The following NLN variants were observed in gnomAD, a reference collection of about 807,000 sequenced individuals.
The protein encoded by NLN is neurolysin, also known as neurolysin, mitochondrial.
Under a neutral mutation model 79.9 loss-of-function variants are expected in NLN, and 64 were observed. The ratio of observed to expected loss-of-function variants is 0.80; its 90% CI spans 0.65 to 0.99. The LOEUF is 0.99. NLN is among the 50% of genes least tolerant of loss of function. The pLI, the probability that NLN is intolerant of heterozygous loss-of-function variation, is 0.00. For missense variants in NLN, 835 were observed against 858.7 expected (o/e 0.97, Z 0.34); for synonymous variants, 267 against 296.6 (o/e 0.90, Z 1.02).
At chr5:65,813,633 T>G (rs531134025) in intron 12 of NLN, among the ~76,000 whole-genome samples, 2 of 152,214 alleles carry the variant, frequency 1.3e-5, no homozygotes, top group Admixed American at 6.5e-5. Context: ...TTAAGAAAAT[T>G]AAGATCATTG....
intron 1 of NLN, among the ~76,000 whole-genome samples, chr5:65,748,020 G>T (rs1011579385): frequency 3.9e-5 from 6 of 152,166 alleles, no homozygotes; most frequent in African/African-American, 1.4e-4. Context: ...GGTCAACATG[G>T]TGAAACCCCG....
At chr5:65,801,269 C>T (rs1433505824) in intron 9 of NLN, among the ~76,000 whole-genome samples, 1 of 152,100 alleles carries the variant, frequency 6.6e-6, no homozygotes, top group South Asian at 2.1e-4. Flanking sequence ...GCATTGATAA[C>T]TATATGAAGT....
In NLN at chr5:65,812,245, T is replaced by A; in HGVS notation, c.1844-10T>A. ...CTATCACATTGATTGAAATGTATCT[T>A]TTTTTAAAGGCACAAATATGCCAGC... On this transcript the variant is annotated splice_polypyrimidine_tract_variant and intron_variant, in intron 11 of 12. Coordinates refer to ENST00000380985, the MANE Select transcript of NLN (RefSeq NM_020726.5). The A allele has an allele frequency of 6.2e-7, 1 of 1,613,100 alleles. No homozygotes were observed. Among genetic ancestry groups the A allele is most frequent in the Non-Finnish European group, 8.5e-7 (1 of 1,179,114 alleles).
intron 9 of NLN, among the ~76,000 whole-genome samples, chr5:65,798,877 G>GT (rs1760223411): frequency 6.6e-6 from 1 of 151,978 alleles, no homozygotes; most frequent in Non-Finnish European, 1.5e-5. Context: ...GGGATGTTTA[G>GT]TTTTTTGTTT....
chr5:65,815,058 T>G (rs936051828), intron 12 of NLN, among the ~76,000 whole-genome samples: 2 of 152,196 alleles, frequency 1.3e-5, no homozygotes, highest in African/African-American at 4.8e-5. Flanking sequence ...CCAGAAACAA[T>G]GTTTCAAAGA....
Position 65,728,188 on chromosome 5 carries a change from A to G in NLN, c.41+5774A>G, listed in dbSNP as rs559751323. 7.2e-5 allele frequency among the ~76,000 whole-genome samples: 11 copies of G among 152,342 alleles called. No homozygotes were observed. The East Asian group carries it at 2.1e-3, about 29-fold the overall frequency. On this transcript the variant is annotated intron_variant, in intron 1 of 12. Coordinates refer to ENST00000380985, the MANE Select transcript of NLN (RefSeq NM_020726.5). The stretch of plus-strand genomic sequence containing the variant: ...TATATATATAATCCAGCCACCTGGA[A>G]CAGCCAATTCTTAACAGCTTTCAAA...
intron 9 of NLN, among the ~76,000 whole-genome samples, chr5:65,800,167 AG>A (rs1398633911): frequency 2.5e-4 from 38 of 152,360 alleles, no homozygotes; most frequent in African/African-American, 8.7e-4. Flanking sequence ...AGCCATTAAA[AG>A]CAACTGTTCT....
Position 65,810,181 on chromosome 5 carries a change from G to A in NLN, c.1843+16G>A. The A allele has an allele frequency of 6.2e-7, 1 of 1,611,686 alleles. No homozygotes were observed. The highest frequency in any genetic ancestry group is 8.5e-7 in the Non-Finnish European group (1 of 1,178,038). ...GCTACTCCAGGTATGTAACTACTAT[G>A]AATTGAGTTCATTTCTCTGTGAAGC... On this transcript the variant is annotated intron_variant, in intron 11 of 12. Transcript: ENST00000380985.
intron 9 of NLN, among the ~76,000 whole-genome samples, chr5:65,806,505 T>C (rs1760415715): frequency 6.6e-6 from 1 of 152,172 alleles, no homozygotes; most frequent in Admixed American, 6.5e-5. Context: ...GCTGCAGATA[T>C]GGTAGAAACA....
intron 9 of NLN, among the ~76,000 whole-genome samples, chr5:65,808,787 A>T (rs777254157): frequency 7.9e-5 from 12 of 152,308 alleles, no homozygotes; most frequent in Admixed American, 1.3e-4. Flanking sequence ...AACTCACTCC[A>T]CTTGCCAATT....
chr5:65,794,729 G>A (rs541735444), intron 9 of NLN, among the ~76,000 whole-genome samples: 3 of 152,300 alleles, frequency 2.0e-5, no homozygotes, highest in Admixed American at 6.5e-5. Context: ...AGCAGGATAT[G>A]GAACAGTCTT....
chr5:65,742,725 G>C (rs1161370961), intron 1 of NLN, among the ~76,000 whole-genome samples: 2 of 152,164 alleles, frequency 1.3e-5, no homozygotes, highest in East Asian at 1.9e-4. Flanking sequence ...GCAGGTGGAG[G>C]CAAGAGCAGT....
intron 1 of NLN, among the ~76,000 whole-genome samples, chr5:65,724,501 G>A (rs922081248): frequency 6.6e-5 from 10 of 152,106 alleles, no homozygotes; most frequent in African/African-American, 2.4e-4. Flanking sequence ...GGACATTTGG[G>A]TTGCTTCCAC....
rs551658659 is a variant in NLN at position 65,785,219 on chromosome 5, A to G, written c.823-556A>G. Among the ~76,000 whole-genome samples, 5 of 152,222 alleles carry G rather than the reference A, an allele frequency of 3.3e-5. No homozygotes were observed. The South Asian group carries it at 1.0e-3, about 32-fold the overall frequency. ...GTAGAATTGCTGGATCATATGGTAT[A>G]ATTTTTTTAGGAATCACCATACCGT... On this transcript the variant is annotated intron_variant, in intron 6 of 12. Coordinates refer to ENST00000380985, the MANE Select transcript of NLN (RefSeq NM_020726.5).
At chr5:65,822,742 G>A (rs1354713150) in intron 12 of NLN, 39 bp from the exon 13 acceptor site, 3 of 1,548,418 alleles carry the variant, frequency 1.9e-6, no homozygotes. Context: ...AAAATTGCTA[G>A]AACCATGAAT....
rs981850173 is a variant in NLN at position 65,799,390 on chromosome 5, T to G, written c.1527+6735T>G. 5.9e-5 allele frequency among the ~76,000 whole-genome samples: 9 copies of G among 152,210 alleles called. No individual in the cohort carries two copies. In the Middle Eastern group the frequency reaches 0.01, roughly 173 times the overall value. On this transcript the variant is annotated intron_variant, in intron 9 of 12. Coordinates refer to ENST00000380985, the MANE Select transcript of NLN (RefSeq NM_020726.5). Reference sequence around the variant, plus strand: ...TAGAATTTTAAGTATTGAAAAAAAGTAGAGAGGTGAGAGGTTGAGGTCAAG... The same window carrying G: ...TAGAATTTTAAGTATTGAAAAAAAGGAGAGAGGTGAGAGGTTGAGGTCAAG...
At chr5:65,774,729 AT>A (rs68122704) in intron 3 of NLN, among the ~76,000 whole-genome samples, 4,992 of 135,508 alleles carry the variant, frequency 0.037, 136 homozygotes, top group African/African-American at 0.06. Flanking sequence ...ATATATATAT[AT>A]TTTTTTTTTT....
intron 1 of NLN, among the ~76,000 whole-genome samples, chr5:65,747,639 A>T (rs1402501709): frequency 1.3e-5 from 2 of 152,036 alleles, no homozygotes; most frequent in South Asian, 2.1e-4. Context: ...CCCCACCTAT[A>T]TGTCCAAACT....
At chr5:65,729,351 T>C (rs1758549167) in intron 1 of NLN, among the ~76,000 whole-genome samples, 1 of 147,446 alleles carries the variant, frequency 6.8e-6, no homozygotes, top group Admixed American at 6.7e-5. Flanking sequence ...GATTTGGTTA[T>C]AAAATAGGTT....
Sources: allele counts gnomAD v4.1 joint callset (sites outside exome capture counted in the v4.1 genomes callset), GRCh38; gene constraint gnomAD v4.1.1; transcripts MANE v1.5; gene names NCBI Gene and HGNC (gene_info 2026-07-23, HGNC 2026-07-21).